Variants in TSPAN5 observed in about 807,000 individuals in gnomAD.
TSPAN5 encodes the protein tetraspanin 5, also known as tetraspanin-5.
A neutral mutation model predicts 37.1 loss-of-function variants in TSPAN5; 10 were observed. The ratio of observed to expected loss-of-function variants is 0.27; its 90% confidence interval spans 0.17 to 0.46. The LOEUF (loss-of-function observed/expected upper bound fraction) is 0.46. Ranked by LOEUF, TSPAN5 falls within the 20% of genes least tolerant of loss-of-function variation. The pLI, the probability that TSPAN5 is intolerant of heterozygous loss-of-function variation, is 1.00. For synonymous variants in TSPAN5, 110 were observed against 118.9 expected (o/e 0.93, Z 0.48); for missense variants, 195 against 326.6 (o/e 0.60, Z 3.11).
intron 7 of TSPAN5, 83 bp from the exon 8 acceptor site, chr4:98,472,670 T>C (rs1159700328): frequency 9.1e-6 from 11 of 1,213,102 alleles, no homozygotes; most frequent in African/African-American, 1.5e-5. Context: ...TTTTAAATCA[T>C]TGATTTTTGA....
At chr4:98,582,446 T>C (rs1007858977) in intron 1 of TSPAN5, among the ~76,000 whole-genome samples, 1 of 152,206 alleles carries the variant, frequency 6.6e-6, no homozygotes, top group Non-Finnish European at 1.5e-5. Context: ...CCATGACATG[T>C]GCACTAATAA....
At chr4:98,501,618 G>C (rs781708198) in intron 2 of TSPAN5, among the ~76,000 whole-genome samples, 5 of 152,226 alleles carry the variant, frequency 3.3e-5, no homozygotes, top group Non-Finnish European at 5.9e-5. Flanking sequence ...TTCTGGGGAA[G>C]AGCATGCCAG....
At chr4:98,610,867 C>T (rs1008647687) in intron 1 of TSPAN5, among the ~76,000 whole-genome samples, 2 of 152,116 alleles carry the variant, frequency 1.3e-5, no homozygotes, top group African/African-American at 4.8e-5. Flanking sequence ...ACTGAACTCC[C>T]CTAGCTCTAG....
chr4:98,477,662 CTTTTTT>C (rs61539900), intron 5 of TSPAN5, among the ~76,000 whole-genome samples: 1 of 141,262 alleles, frequency 7.1e-6, no homozygotes, highest in African/African-American at 2.6e-5. Context: ...AGAGAGTTAC[CTTTTTT>C]TTTTTTTTTT....
At chr4:98,533,543 CTTTTTTTTTTTTTTT>C (rs576852948) in intron 1 of TSPAN5, among the ~76,000 whole-genome samples, 1 of 58,582 alleles carries the variant, frequency 1.7e-5, no homozygotes, top group Admixed American at 2.7e-4. Context: ...TCCCCTATAT[CTTTTTTTTTTTTTTT>C]TTTTTTTCTT....
chr4:98,644,936 A>G lies in TSPAN5; in HGVS notation c.81+13210T>C, dbSNP rs192992454. ...TGCAAACATTTAAACACATTCCCCAAGCATTTTACCTCTAGGGATCCATCC... is the reference window on the plus strand; with the variant it reads ...TGCAAACATTTAAACACATTCCCCAGGCATTTTACCTCTAGGGATCCATCC... On this transcript the variant is annotated intron_variant, in intron 1 of 7. Coordinates refer to ENST00000305798, the MANE Select transcript of TSPAN5 (RefSeq NM_005723.4). Among the ~76,000 whole-genome samples the G allele has an allele frequency of 6.3e-4, 96 of 152,340 alleles. 1 individual carries two copies. Among genetic ancestry groups the G allele is most frequent in the African/African-American group, 2.2e-3 (92 of 41,582 alleles).
At chr4:98,607,204 C>A (rs76084914) in intron 1 of TSPAN5, among the ~76,000 whole-genome samples, 3,632 of 152,272 alleles carry the variant, frequency 0.024, 154 homozygotes, top group African/African-American at 0.082. Flanking sequence ...TCTTGCACTG[C>A]GATTCCCAGC....
chr4:98,568,192 T>A (rs948462084), intron 1 of TSPAN5, among the ~76,000 whole-genome samples: 21 of 152,128 alleles, frequency 1.4e-4, no homozygotes, highest in Non-Finnish European at 2.9e-4. Context: ...ACAGACAGAA[T>A]GACTTATGCT....
At chr4:98,516,238 G>T (rs1753726850) in intron 1 of TSPAN5, among the ~76,000 whole-genome samples, 2 of 152,168 alleles carry the variant, frequency 1.3e-5, no homozygotes, top group Non-Finnish European at 2.9e-5. Context: ...GAGTCACTAG[G>T]GTCAGACATA....
At chr4:98,598,972 C>T (rs1481305426) in intron 1 of TSPAN5, among the ~76,000 whole-genome samples, 1 of 152,114 alleles carries the variant, frequency 6.6e-6, no homozygotes, top group Non-Finnish European at 1.5e-5. Context: ...CAAAGAGCAA[C>T]AGGAAAATCC....
At chr4:98,619,967 T>G (rs80053819) in intron 1 of TSPAN5, among the ~76,000 whole-genome samples, 4,562 of 152,240 alleles carry the variant, frequency 0.03, 105 homozygotes, top group South Asian at 0.06. Context: ...CTCATATTAT[T>G]GCATTGAGTA....
intron 1 of TSPAN5, among the ~76,000 whole-genome samples, chr4:98,642,185 G>T (rs1430257371): frequency 2.0e-5 from 3 of 152,200 alleles, no homozygotes; most frequent in Non-Finnish European, 4.4e-5. Context: ...AACCTTCTTA[G>T]AGCAAGAAAG....
chr4:98,531,921 T>C (rs1398023027), intron 1 of TSPAN5, among the ~76,000 whole-genome samples: 1 of 152,234 alleles, frequency 6.6e-6, no homozygotes, highest in African/African-American at 2.4e-5. Context: ...TTTTTTCTTG[T>C]AAATTTGTTT....
At chr4:98,605,549 C>T (rs1264187995) in intron 1 of TSPAN5, among the ~76,000 whole-genome samples, 1 of 152,142 alleles carries the variant, frequency 6.6e-6, no homozygotes, top group Non-Finnish European at 1.5e-5. Flanking sequence ...CAAAAGATGA[C>T]AAGCATACAA....
At chr4:98,563,826 TC>T (rs1278761012) in intron 1 of TSPAN5, among the ~76,000 whole-genome samples, 9 of 152,174 alleles carry the variant, frequency 5.9e-5, no homozygotes, top group African/African-American at 1.9e-4. Flanking sequence ...TCTGGAGACA[TC>T]TTGGTTGTCA....
intron 1 of TSPAN5, among the ~76,000 whole-genome samples, chr4:98,652,970 G>C (rs1466154136): frequency 6.6e-6 from 1 of 152,100 alleles, no homozygotes; most frequent in Non-Finnish European, 1.5e-5. Context: ...CCCCACAGAG[G>C]GAGTGGCCAC....
intron 4 of TSPAN5, among the ~76,000 whole-genome samples, chr4:98,480,153 C>A (rs1372184098): frequency 6.6e-6 from 1 of 152,106 alleles, no homozygotes; most frequent in South Asian, 2.1e-4. Context: ...AGGCTGCTGG[C>A]CAGATCCCGC....
Position 98,486,816 on chromosome 4 carries a change from C to T in TSPAN5, c.201G>A (p.Val67=), listed in dbSNP as rs749426468. The change falls in exon 3 of 8, where the codon GTG becomes GTA. Residue 67 remains valine (V), a synonymous_variant. Transcript: ENST00000305798. The part of the protein sequence containing the change: ...GGFDPVWLFL[V]VGGVMFILGF... ...CCAAAATGAACATCACTCCTCCCAC[C>T]ACAAGGAAGAGCCAAACTGGGTCAA... 10 of 1,613,974 alleles carry T rather than the reference C, an allele frequency of 6.2e-6. No homozygotes were observed. The highest frequency in any genetic ancestry group is 8.5e-6 in the Non-Finnish European group (10 of 1,180,042).
At chr4:98,629,451 GACACA>G (rs1756694297) in intron 1 of TSPAN5, among the ~76,000 whole-genome samples, 1 of 152,118 alleles carries the variant, frequency 6.6e-6, no homozygotes, top group Non-Finnish European at 1.5e-5. Flanking sequence ...TGTATCAATC[GACACA>G]CTAGCCTAAA....
Sources: allele counts gnomAD v4.1 joint callset (sites outside exome capture counted in the v4.1 genomes callset), GRCh38; gene constraint gnomAD v4.1.1; transcripts MANE v1.5; gene names NCBI Gene and HGNC (gene_info 2026-07-23, HGNC 2026-07-21).